The following SEMA6D variants were observed in gnomAD, a reference collection of about 807,000 sequenced individuals.
SEMA6D encodes semaphorin 6D.
A neutral mutation model predicts 106.6 loss-of-function variants in SEMA6D; 35 were observed. The ratio of observed to expected loss-of-function variants is 0.33; its 90% CI spans 0.25 to 0.44. SEMA6D has a LOEUF of 0.44. Ranked by LOEUF, SEMA6D falls within the 20% of genes least tolerant of loss-of-function variation. The pLI is 1.00. For synonymous variants in SEMA6D, 499 were observed against 487.7 expected (o/e 1.02, Z -0.31); for missense variants, 1,185 against 1,345.9 (o/e 0.88, Z 1.87).
chr15:47,743,385 T>C (rs1182048050), intron 1 of SEMA6D, among the ~76,000 whole-genome samples: 1 of 152,148 alleles, frequency 6.6e-6, no homozygotes, highest in East Asian at 1.9e-4. Flanking sequence ...TTTCAATGTT[T>C]TTTTTTTCTT....
intron 3 of SEMA6D, among the ~76,000 whole-genome samples, chr15:47,593,768 T>G (rs1449965969): frequency 6.6e-6 from 1 of 152,146 alleles, no homozygotes; most frequent in Non-Finnish European, 1.5e-5. Context: ...TCAGGAAACT[T>G]ATAATCATGG....
chr15:47,662,857 GCACACA>G (rs140613951), intron 4 of SEMA6D, among the ~76,000 whole-genome samples: 16 of 134,162 alleles, frequency 1.2e-4, no homozygotes, highest in African/African-American at 1.4e-4. Context: ...GTGTATGAGC[GCACACA>G]CACACACACA....
intron 1 of SEMA6D, among the ~76,000 whole-genome samples, chr15:47,284,313 A>G (rs1189501390): frequency 2.0e-5 from 3 of 152,234 alleles, no homozygotes; most frequent in African/African-American, 7.2e-5. Context: ...GAAATTTAAA[A>G]AGTCACAAAG....
intron 3 of SEMA6D, among the ~76,000 whole-genome samples, chr15:47,482,447 C>A (rs1436610841): frequency 6.6e-6 from 1 of 152,072 alleles, no homozygotes; most frequent in Non-Finnish European, 1.5e-5. Flanking sequence ...TCAACACAGT[C>A]CTCTGGGTAC....
chr15:47,443,963 A>G (rs1051508750), intron 2 of SEMA6D, among the ~76,000 whole-genome samples: 5 of 152,156 alleles, frequency 3.3e-5, no homozygotes, highest in African/African-American at 1.2e-4. Context: ...ATAATGATAA[A>G]CAAATTGATG....
upstream of SEMA6D, among the ~76,000 whole-genome samples, chr15:47,715,008 A>G (rs1472355636): frequency 6.6e-6 from 1 of 152,174 alleles, no homozygotes; most frequent in African/African-American, 2.4e-5. Context: ...TTAATTACGT[A>G]AGTGAACTGG....
chr15:47,665,828 A>G (rs962409190), intron 4 of SEMA6D, among the ~76,000 whole-genome samples: 1 of 152,166 alleles, frequency 6.6e-6, no homozygotes, highest in Admixed American at 6.5e-5. Context: ...TAAATAAATA[A>G]TAGTTTACTC....
chr15:47,629,159 A>G (rs1311201731), intron 4 of SEMA6D, among the ~76,000 whole-genome samples: 1 of 152,104 alleles, frequency 6.6e-6, no homozygotes, highest in Non-Finnish European at 1.5e-5. Context: ...ATAAAATTGA[A>G]TAAATCGATT....
intron 1 of SEMA6D, among the ~76,000 whole-genome samples, chr15:47,261,089 A>T (rs982348351): frequency 7.9e-5 from 12 of 152,308 alleles, no homozygotes; most frequent in African/African-American, 2.9e-4. Flanking sequence ...GTACACAGCA[A>T]TGAGGAACAG....
chr15:47,541,916 G>A (rs561058204), intron 3 of SEMA6D, among the ~76,000 whole-genome samples: 16 of 152,144 alleles, frequency 1.1e-4, no homozygotes, highest in Admixed American at 8.5e-4. Context: ...AAACAGAGTC[G>A]GAATGGTTAT....
chr15:47,579,334 G>C (rs1302332999), intron 3 of SEMA6D, among the ~76,000 whole-genome samples: 1 of 151,644 alleles, frequency 6.6e-6, no homozygotes, highest in Admixed American at 6.6e-5. Flanking sequence ...TAGAGACGGG[G>C]TTTCTCCATG....
At chr15:47,196,814 T>A (rs1162411331) in intron 1 of SEMA6D, among the ~76,000 whole-genome samples, 1 of 152,234 alleles carries the variant, frequency 6.6e-6, no homozygotes, top group Non-Finnish European at 1.5e-5. Context: ...GGCACGAGGC[T>A]ACAGCATCCA....
At chr15:47,226,112 A>G (rs1036248479) in intron 1 of SEMA6D, among the ~76,000 whole-genome samples, 3 of 152,064 alleles carry the variant, frequency 2.0e-5, no homozygotes, top group African/African-American at 7.2e-5. Flanking sequence ...AAAGAAGACA[A>G]TTTGGATACA....
Position 47,711,429 on chromosome 15 carries a change from G to A in SEMA6D, c.-54-48316G>A, listed in dbSNP as rs781554407. Reference sequence around the variant, plus strand: ...CCAGAACTTGAGCAGTACACTTCGTGGAACCAAACAAAAGTTAAACAAACT... The same window carrying A: ...CCAGAACTTGAGCAGTACACTTCGTAGAACCAAACAAAAGTTAAACAAACT... On this transcript the variant is annotated intron_variant, in intron 4 of 19. Transcript: ENST00000558014. Among the ~76,000 whole-genome samples the A allele has an allele frequency of 7.4e-4, 112 of 152,206 alleles. No homozygotes were observed. The Middle Eastern group carries it at 0.01, about 14-fold the overall frequency.
At position 47,389,494 on chromosome 15, in the gene SEMA6D, A is replaced by C. The variant is rs1036982354; in HGVS notation, c.-238-22899A>C. On this transcript the variant is annotated intron_variant, in intron 1 of 19. Transcript: ENST00000558014. The stretch of plus-strand genomic sequence containing the variant: ...TCCATTTCTAGGAATCCACTCACTC[A>C]CCCCTAAAAAAGAATCTAAAATACA... Among the ~76,000 whole-genome samples the C allele has an allele frequency of 3.9e-5, 6 of 152,016 alleles. 1 individual carries two copies. Among genetic ancestry groups the C allele is most frequent in the Non-Finnish European group, 8.8e-5 (6 of 67,994 alleles).
chr15:47,555,856 T>A (rs1443786146), intron 3 of SEMA6D, among the ~76,000 whole-genome samples: 1 of 152,174 alleles, frequency 6.6e-6, no homozygotes, highest in Non-Finnish European at 1.5e-5. Context: ...ACTTTCCTGA[T>A]AGTCAGAATA....
chr15:47,739,334 A>G (rs1225891228), intron 1 of SEMA6D, among the ~76,000 whole-genome samples: 1 of 152,172 alleles, frequency 6.6e-6, no homozygotes, highest in Non-Finnish European at 1.5e-5. Flanking sequence ...TAGTCCAGGG[A>G]TGGGTTCTCC....
chr15:47,315,534 T>G (rs115361333), intron 1 of SEMA6D, among the ~76,000 whole-genome samples: 2,200 of 152,344 alleles, frequency 0.014, 53 homozygotes, highest in African/African-American at 0.05. Context: ...TCGGTGTAAG[T>G]CCTCCAATTT....
At chr15:47,227,569 T>TCACA (rs1555407289) in intron 1 of SEMA6D, among the ~76,000 whole-genome samples, 1,694 of 127,894 alleles carry the variant, frequency 0.013, 38 homozygotes, top group African/African-American at 0.047. Context: ...TCTCTCTCTC[T>TCACA]CACACACACA....
Sources: allele counts gnomAD v4.1 joint callset (sites outside exome capture counted in the v4.1 genomes callset), GRCh38; gene constraint gnomAD v4.1.1; transcripts MANE v1.5; gene names NCBI Gene and HGNC (gene_info 2026-07-23, HGNC 2026-07-21).